The following KIAA1549L variants were observed in gnomAD, a reference collection of about 807,000 sequenced individuals.
KIAA1549L encodes the protein UPF0606 protein KIAA1549L.
Under a neutral mutation model 160.7 loss-of-function variants are expected in KIAA1549L, and 88 were observed. That is an observed-to-expected ratio of 0.55 (90% CI 0.46 to 0.65). The LOEUF (loss-of-function observed/expected upper bound fraction) is 0.65. KIAA1549L is among the 30% of genes least tolerant of loss of function. The pLI is 0.00. For synonymous variants in KIAA1549L, 950 were observed against 976.7 expected (o/e 0.97, Z 0.51); for missense variants, 2,258 against 2,437.5 (o/e 0.93, Z 1.55).
rs367913433 is a variant in KIAA1549L at position 33,542,540 on chromosome 11, C to G, written c.977C>G (p.Ser326Cys). Residue 326 changes from serine to cysteine, a missense_variant, in exon 2 of 21, where the codon TCC becomes TGC. Around this residue, in one of 6 missense-constraint regions of KIAA1549L, gnomAD observed 540 missense variants for 465.7 expected, o/e 1.16. Transcript: ENST00000658780. The stretch of plus-strand genomic sequence containing the variant: ...TCTGGATCCTCAACAAAATGGCATT[C>G]CGAGCTGTCCCCAACAGAGGGTCCC... The part of the protein sequence containing the change: ...GVSGSSTKWH[S>C]ELSPTEGPHS... 23 of 1,613,920 alleles carry G rather than the reference C, an allele frequency of 1.4e-5. 1 individual carries two copies. The highest frequency in any genetic ancestry group is 4.5e-5 in the East Asian group (2 of 44,898).
chr11:33,618,715 A>C (rs1850886109), intron 16 of KIAA1549L, 53 bp downstream of exon 16: 1 of 1,445,386 alleles, frequency 6.9e-7, no homozygotes, highest in Non-Finnish European at 9.3e-7. Flanking sequence ...CCTGAAGGCA[A>C]GGGGGATAGG....
chr11:33,486,082 A>C (rs867550033), intron 1 of KIAA1549L, among the ~76,000 whole-genome samples: 6 of 152,176 alleles, frequency 3.9e-5, no homozygotes, highest in South Asian at 2.1e-4. Flanking sequence ...GGTAGTGAAC[A>C]TGGAAGTGCA....
At chr11:33,587,062 A>G (rs1052040695) in intron 11 of KIAA1549L, among the ~76,000 whole-genome samples, 2 of 152,204 alleles carry the variant, frequency 1.3e-5, no homozygotes, top group African/African-American at 4.8e-5. Flanking sequence ...CATCTGTAAA[A>G]TGGAGATATA....
At chr11:33,637,287 G>A (rs1851460832) in intron 16 of KIAA1549L, among the ~76,000 whole-genome samples, 1 of 152,168 alleles carries the variant, frequency 6.6e-6, no homozygotes, top group African/African-American at 2.4e-5. Flanking sequence ...CCCTAATCCA[G>A]GCCCCTGTCA....
At chr11:33,580,330 T>C (rs145747942) in intron 10 of KIAA1549L, among the ~76,000 whole-genome samples, 5 of 152,010 alleles carry the variant, frequency 3.3e-5, no homozygotes, top group African/African-American at 1.2e-4. Context: ...TCCCAGCACT[T>C]TGGGAGGCTG....
chr11:33,475,558 TA>T (rs561392965), intron 1 of KIAA1549L, among the ~76,000 whole-genome samples: 255 of 138,748 alleles, frequency 1.8e-3, no homozygotes, highest in Middle Eastern at 3.7e-3. Flanking sequence ...CCTGTCTCTT[TA>T]AAAAAAAAAA....
chr11:33,492,948 A>G (rs1302182479), intron 1 of KIAA1549L, among the ~76,000 whole-genome samples: 1 of 152,010 alleles, frequency 6.6e-6, no homozygotes, highest in Non-Finnish European at 1.5e-5. Flanking sequence ...ATTCGTGATC[A>G]GGAAAACACA....
chr11:33,610,732 T>G (rs1236964317), intron 15 of KIAA1549L, among the ~76,000 whole-genome samples: 1 of 152,240 alleles, frequency 6.6e-6, no homozygotes, highest in Non-Finnish European at 1.5e-5. Context: ...CCAGATGGTT[T>G]AAATTGGCAT....
intron 1 of KIAA1549L, among the ~76,000 whole-genome samples, chr11:33,539,533 G>C (rs906791283): frequency 6.6e-6 from 1 of 152,196 alleles, no homozygotes; most frequent in Non-Finnish European, 1.5e-5. Context: ...GTCCATAGGG[G>C]ATGCAGGCTG....
At chr11:33,447,326 T>C (rs1366553304) in intron 1 of KIAA1549L, among the ~76,000 whole-genome samples, 3 of 152,180 alleles carry the variant, frequency 2.0e-5, no homozygotes, top group Non-Finnish European at 2.9e-5. Flanking sequence ...GACCTACCTA[T>C]ATGAGAATGA....
At chr11:33,536,950 C>T (rs1295509520) in intron 1 of KIAA1549L, among the ~76,000 whole-genome samples, 1 of 152,182 alleles carries the variant, frequency 6.6e-6, no homozygotes, top group East Asian at 1.9e-4. Flanking sequence ...CTGTGCATCA[C>T]CTGCTCGCAT....
chr11:33,475,538 A>C (rs1852266540), intron 1 of KIAA1549L, among the ~76,000 whole-genome samples: 3 of 151,642 alleles, frequency 2.0e-5, no homozygotes, highest in African/African-American at 7.3e-5. Flanking sequence ...GTCAGGTGAC[A>C]GAGTGAGATC....
At chr11:33,624,755 CTT>C (rs144470196) in intron 16 of KIAA1549L, among the ~76,000 whole-genome samples, 1 of 141,698 alleles carries the variant, frequency 7.1e-6, no homozygotes, top group African/African-American at 2.6e-5. Context: ...TTAATTTTTG[CTT>C]TTTTTTTATT....
intron 1 of KIAA1549L, among the ~76,000 whole-genome samples, chr11:33,437,984 T>A (rs553364797): frequency 1.3e-5 from 2 of 152,328 alleles, no homozygotes; most frequent in East Asian, 3.9e-4. Flanking sequence ...ACCACCTGCC[T>A]ACGCCTCTCC....
At chr11:33,458,080 G>A (rs1397094009) in intron 1 of KIAA1549L, among the ~76,000 whole-genome samples, 1 of 152,168 alleles carries the variant, frequency 6.6e-6, no homozygotes, top group Non-Finnish European at 1.5e-5. Context: ...ACAGAGAAGT[G>A]GCTATTTGAG....
At chr11:33,539,763 A>G (rs971714041) in intron 1 of KIAA1549L, among the ~76,000 whole-genome samples, 1 of 152,198 alleles carries the variant, frequency 6.6e-6, no homozygotes, top group Non-Finnish European at 1.5e-5. Context: ...TTACAAACTC[A>G]TTGGCTGGAA....
At chr11:33,627,131 T>G in intron 16 of KIAA1549L, among the ~76,000 whole-genome samples, 1 of 72,492 alleles carries the variant, frequency 1.4e-5, no homozygotes, top group Non-Finnish European at 2.5e-5. Flanking sequence ...TGGATAAGCT[T>G]TTTGATGTGC....
intron 12 of KIAA1549L, among the ~76,000 whole-genome samples, chr11:33,591,932 A>T (rs1850067232): frequency 3.9e-5 from 6 of 152,178 alleles, no homozygotes; most frequent in Admixed American, 3.9e-4. Flanking sequence ...AATACCGAGG[A>T]TGAGGTATTG....
intron 1 of KIAA1549L, among the ~76,000 whole-genome samples, chr11:33,501,167 G>T (rs1423562370): frequency 1.3e-5 from 2 of 152,200 alleles, no homozygotes; most frequent in African/African-American, 4.8e-5. Flanking sequence ...TATTGGAAAG[G>T]CCTATTTGCC....
Sources: gnomAD v4.1 joint callset for allele counts (sites outside exome capture counted in the v4.1 genomes callset) on GRCh38, gnomAD v4.1.1 for gene constraint, gnomAD v4.1.1 regional missense constraint, MANE v1.5 for transcripts, NCBI Gene and HGNC (gene_info 2026-07-23, HGNC 2026-07-21) for gene names.